GMDS: variants seen among roughly 807,000 people sequenced by gnomAD.
The protein encoded by GMDS is GDP-mannose 4,6 dehydratase.
A neutral mutation model predicts 49.9 loss-of-function variants in GMDS; 20 were observed. The observed-to-expected ratio is 0.40, with a 90% CI of 0.28 to 0.58. GMDS has a LOEUF of 0.58. Ranked by LOEUF, GMDS falls within the 20% of genes least tolerant of loss-of-function variation. GMDS has a pLI of 0.42. For missense variants in GMDS, 362 were observed against 481.4 expected (o/e 0.75, Z 2.32); for synonymous variants, 177 against 178.6 (o/e 0.99, Z 0.07).
intron 7 of GMDS, among the ~76,000 whole-genome samples, chr6:1,926,936 T>A (rs1053865178): frequency 5.9e-5 from 9 of 152,236 alleles, no homozygotes; most frequent in Non-Finnish European, 1.2e-4. Flanking sequence ...TAACTTTCTA[T>A]CTGTCTCTCC....
chr6:1,782,099 T>C (rs1209757344), intron 7 of GMDS, among the ~76,000 whole-genome samples: 2 of 152,220 alleles, frequency 1.3e-5, no homozygotes, highest in Admixed American at 6.5e-5. Context: ...TGGAATTCTA[T>C]TGAAACTGCA....
chr6:1,769,987 G>A (rs564385819), intron 7 of GMDS, among the ~76,000 whole-genome samples: 13 of 152,278 alleles, frequency 8.5e-5, no homozygotes, highest in Non-Finnish European at 1.6e-4. Flanking sequence ...CGGCCTCCCC[G>A]AGTGCTGGGA....
intron 2 of GMDS, among the ~76,000 whole-genome samples, chr6:2,117,943 C>T (rs529656430): frequency 8.5e-5 from 13 of 152,302 alleles, no homozygotes; most frequent in African/African-American, 3.1e-4. Context: ...GGCCTGCTCA[C>T]CACAGAGCAC....
In GMDS at chr6:1,971,281, A is replaced by G. The variant is rs189403540; in HGVS notation, c.346-10315T>C. ...CAGTGCTATACTCCCAGCCTCTTCT[A>G]TTTGCCTCCAGCCCAGCCCAAGGCC... is the stretch of plus-strand genomic sequence containing the variant. On this transcript the variant is annotated intron_variant, in intron 4 of 10. Coordinates refer to ENST00000380815, the MANE Select transcript of GMDS (RefSeq NM_001500.4). Among the ~76,000 whole-genome samples the G allele has an allele frequency of 2.5e-3, 380 of 152,168 alleles. 2 individuals carry two copies. Among genetic ancestry groups the G allele is most frequent in the African/African-American group, 8.7e-3 (359 of 41,496 alleles).
At chr6:1,953,679 C>T (rs1763477857) in intron 6 of GMDS, among the ~76,000 whole-genome samples, 1 of 152,140 alleles carries the variant, frequency 6.6e-6, no homozygotes, top group Non-Finnish European at 1.5e-5. Context: ...AATAAACAGT[C>T]AAAACTAGAA....
chr6:2,192,017 G>C (rs1250207250), intron 1 of GMDS, among the ~76,000 whole-genome samples: 1 of 152,214 alleles, frequency 6.6e-6, no homozygotes, highest in East Asian at 1.9e-4. Flanking sequence ...GGCTCAGCTA[G>C]AGCAGGGCAG....
intron 2 of GMDS, 50 bp from the exon 3 acceptor site, chr6:2,117,606 C>T: frequency 1.1e-6 from 1 of 904,994 alleles, no homozygotes; most frequent in Non-Finnish European, 1.9e-6. Context: ...GACTAATAAA[C>T]AACTTCTTTA....
chr6:2,104,979 G>A (rs907167785), intron 4 of GMDS, among the ~76,000 whole-genome samples: 2 of 151,766 alleles, frequency 1.3e-5, no homozygotes, highest in South Asian at 2.1e-4. Flanking sequence ...TCAGGAGATC[G>A]AGACCATCCT....
intron 7 of GMDS, among the ~76,000 whole-genome samples, chr6:1,919,793 A>C (rs972034547): frequency 1.3e-5 from 2 of 152,214 alleles, no homozygotes; most frequent in Admixed American, 1.3e-4. Flanking sequence ...TCTTATTCTT[A>C]CACGAGATCT....
chr6:1,746,907 G>A (rs941104588), intron 7 of GMDS, among the ~76,000 whole-genome samples: 2 of 152,064 alleles, frequency 1.3e-5, no homozygotes, highest in African/African-American at 4.8e-5. Flanking sequence ...TCACCATGTT[G>A]GTCAGGCTGG....
chr6:2,141,509 T>C (rs192129130), intron 1 of GMDS, among the ~76,000 whole-genome samples: 53 of 152,292 alleles, frequency 3.5e-4, no homozygotes, highest in Non-Finnish European at 7.6e-4. Flanking sequence ...TATCCCAGCT[T>C]ATGTGCCTAC....
intron 7 of GMDS, among the ~76,000 whole-genome samples, chr6:1,807,859 C>T (rs1262340535): frequency 1.3e-5 from 2 of 151,910 alleles, no homozygotes; most frequent in African/African-American, 4.8e-5. Context: ...CTTAAAGGCA[C>T]AAAAATCACT....
rs182004911 is a variant in GMDS, at chr6:2,045,633, A to G, written c.345+70138T>C. On this transcript the variant is annotated intron_variant, in intron 4 of 10. Coordinates refer to ENST00000380815, the MANE Select transcript of GMDS (RefSeq NM_001500.4). Reference sequence around the variant, plus strand: ...TGTTTGTATGTTTGCTTGTTTCTACAAGAGGTAGGGTTGCATGGTGACAGT... The same window carrying G: ...TGTTTGTATGTTTGCTTGTTTCTACGAGAGGTAGGGTTGCATGGTGACAGT... 2.8e-3 allele frequency among the ~76,000 whole-genome samples: 427 copies of G among 152,212 alleles called. 4 individuals carry two copies. The highest frequency in any genetic ancestry group is 1.0e-2 in the African/African-American group (414 of 41,522).
intron 7 of GMDS, among the ~76,000 whole-genome samples, chr6:1,880,284 C>A (rs1488290138): frequency 3.0e-4 from 18 of 59,124 alleles, no homozygotes; most frequent in African/African-American, 5.8e-4. Context: ...CTCATTTCCA[C>A]AAAAAAAAAA....
At chr6:2,223,598 T>C (rs756941290) in intron 1 of GMDS, among the ~76,000 whole-genome samples, 33 of 151,680 alleles carry the variant, frequency 2.2e-4, no homozygotes, top group Non-Finnish European at 4.1e-4. Context: ...GCTAGTGGGG[T>C]AAAATCAGCA....
chr6:1,911,825 C>T (rs1761073812), intron 7 of GMDS, among the ~76,000 whole-genome samples: 1 of 152,184 alleles, frequency 6.6e-6, no homozygotes, highest in Non-Finnish European at 1.5e-5. Flanking sequence ...GCATTCCCTT[C>T]AACTTTGCAC....
intron 4 of GMDS, among the ~76,000 whole-genome samples, chr6:2,046,166 T>A (rs982194960): frequency 6.6e-6 from 1 of 152,120 alleles, no homozygotes; most frequent in Non-Finnish European, 1.5e-5. Flanking sequence ...TGAGCCAAGA[T>A]CATGCCACTG....
intron 4 of GMDS, among the ~76,000 whole-genome samples, chr6:2,113,163 T>C (rs1267189955): frequency 2.6e-5 from 4 of 152,152 alleles, no homozygotes; most frequent in African/African-American, 7.2e-5. Context: ...AATGTCGGTT[T>C]CTAGTACTGG....
intron 1 of GMDS, among the ~76,000 whole-genome samples, chr6:2,206,278 A>T (rs1779803913): frequency 6.6e-6 from 1 of 151,400 alleles, no homozygotes; most frequent in African/African-American, 2.4e-5. Context: ...AAAAGCCCGG[A>T]CATCCAACTC....
Sources: allele counts gnomAD v4.1 joint callset (sites outside exome capture counted in the v4.1 genomes callset), GRCh38; gene constraint gnomAD v4.1.1; transcripts MANE v1.5; gene names NCBI Gene and HGNC (gene_info 2026-07-23, HGNC 2026-07-21).